KHNYN: variants seen among roughly 807,000 people sequenced by gnomAD.
The protein encoded by KHNYN is protein KHNYN.
A neutral mutation model predicts 62.7 loss-of-function variants in KHNYN; 42 were observed. That is an observed-to-expected ratio of 0.67 (90% CI 0.52 to 0.87). The LOEUF is 0.87. Ranked by LOEUF, KHNYN falls within the 40% of genes least tolerant of loss-of-function variation. The pLI is 0.00. For synonymous variants in KHNYN, 347 were observed against 345.6 expected (o/e 1.00, Z -0.04); for missense variants, 829 against 874.1 (o/e 0.95, Z 0.65).
upstream of KHNYN, chr14:24,429,914 G>A (rs2043072382): frequency 9.9e-7 from 1 of 1,008,204 alleles, no homozygotes; most frequent in Non-Finnish European, 1.2e-6. Context: ...GGGAGGAGCT[G>A]GGCTGACTCC....
At chr14:24,425,878 C>G (rs990472870), upstream of KHNYN, among the ~76,000 whole-genome samples, 1 of 152,214 alleles carries the variant, frequency 6.6e-6, no homozygotes, top group African/African-American at 2.4e-5. Context: ...CCACCAGTAT[C>G]TTTCATTCTT....
upstream of KHNYN, chr14:24,429,304 G>A (rs1374585091): frequency 4.4e-6 from 3 of 686,278 alleles, no homozygotes; most frequent in Non-Finnish European, 7.9e-6. Context: ...AAGGAGGGAT[G>A]AAGCCGCCTG....
upstream of KHNYN, chr14:24,429,833 G>A (rs972032811): frequency 2.6e-5 from 28 of 1,065,448 alleles, no homozygotes; most frequent in African/African-American, 4.3e-4. Context: ...GAGCCGCCGA[G>A]GGGACTAGGC....
upstream of KHNYN, chr14:24,428,929 C>T (rs57646536): frequency 9.4e-3 from 14,598 of 1,558,952 alleles, 1,170 homozygotes; most frequent in African/African-American, 0.17. Context: ...GGCACTCCCC[C>T]TCCAGCAGGA....
At chr14:24,429,201 T>C (rs1209042148), upstream of KHNYN, 4 of 807,566 alleles carry the variant, frequency 5.0e-6, no homozygotes, top group Non-Finnish European at 7.8e-6. Context: ...GTGTCCCAGC[T>C]CTGTCCTGCC....
At chr14:24,430,342 A>G in intron 1 of KHNYN, 1 of 765,202 alleles carries the variant, frequency 1.3e-6, no homozygotes, top group Non-Finnish European at 1.6e-6. Context: ...GGGCCCCCAG[A>G]GGACAGCCTA....
At chr14:24,425,990 A>T (rs2043016520), upstream of KHNYN, among the ~76,000 whole-genome samples, 1 of 152,234 alleles carries the variant, frequency 6.6e-6, no homozygotes, top group South Asian at 2.1e-4. Context: ...CAAATAGACA[A>T]AATGCCTACT....
upstream of KHNYN, chr14:24,429,213 C>A: frequency 1.4e-6 from 1 of 729,152 alleles, no homozygotes. Context: ...TGTCCTGCCT[C>A]CCACTCTTAC....
At position 24,441,638 on chromosome 14, in the gene KHNYN, G is replaced by A. The variant is rs1403991261; in HGVS notation, c.*4353G>A. ...GAGGTCTGAGTTACCCCGTTCCCCT[G>A]GCGAATATAAGGGGCTGGTGATTTG... is the stretch of plus-strand genomic sequence containing the variant. On this transcript the variant is annotated 3_prime_UTR_variant, in exon 8 of 8. Coordinates refer to ENST00000553935, the MANE Select transcript of KHNYN (RefSeq NM_015299.3). 6.5e-7 allele frequency: 1 copy of A among 1,542,996 alleles called. No individual in the cohort carries two copies. The highest frequency in any genetic ancestry group is 8.8e-7 in the Non-Finnish European group (1 of 1,142,424).
At chr14:24,425,171 G>A (rs10130033), upstream of KHNYN, among the ~76,000 whole-genome samples, 788 of 152,218 alleles carry the variant, frequency 5.2e-3, 8 homozygotes, top group African/African-American at 0.018. Context: ...ACTGCACTCC[G>A]GCCTGGTCGA....
upstream of KHNYN, chr14:24,429,212 TC>T: frequency 1.3e-6 from 1 of 744,690 alleles, no homozygotes; most frequent in Non-Finnish European, 2.2e-6. Flanking sequence ...CTGTCCTGCC[TC>T]CCACTCTTAC....
In KHNYN at chr14:24,431,541, G is replaced by A; in HGVS notation, c.280G>A (p.Gly94Arg). 6.2e-7 allele frequency: 1 copy of A among 1,611,360 alleles called. No individual in the cohort carries two copies. The highest frequency in any genetic ancestry group is 2.2e-5 in the East Asian group (1 of 44,788). Residue 94 changes from glycine (G) to arginine (R), a missense_variant, in exon 3 of 8, where the codon GGA becomes AGA. Coordinates refer to ENST00000553935, the MANE Select transcript of KHNYN (RefSeq NM_015299.3). Reference protein sequence around the residue: ...YPPKLHCIFLGAQGFFLDCLA... With the variant: ...YPPKLHCIFLRAQGFFLDCLA... Reference sequence around the variant, plus strand: ...GCCCAAACTGCACTGCATCTTTCTGGGAGCCCAGGGCTTCTTCCTTGACTG... The same window carrying A: ...GCCCAAACTGCACTGCATCTTTCTGAGAGCCCAGGGCTTCTTCCTTGACTG...
chr14:24,429,137 C>T (rs889687447), upstream of KHNYN: 8 of 1,405,786 alleles, frequency 5.7e-6, no homozygotes, highest in South Asian at 7.3e-5. Context: ...TTCTCACCGC[C>T]GGCACCCTGA....
chr14:24,423,248 T>C, the KHNYN span, among the ~76,000 whole-genome samples: 1 of 152,322 alleles, frequency 6.6e-6, no homozygotes, highest in Middle Eastern at 3.4e-3. Context: ...TAACTATACC[T>C]ATATCTACAA....
upstream of KHNYN, chr14:24,427,281 A>G (rs1594748305): frequency 6.0e-6 from 1 of 167,092 alleles, no homozygotes; most frequent in African/African-American, 2.4e-5. The surrounding 1 kb of genome is among the most constrained non-coding windows in gnomAD (Gnocchi z 4.4). Flanking sequence ...TGAGCCTCCC[A>G]CCCTAGCCCA....
At chr14:24,424,014 G>A in the KHNYN span, among the ~76,000 whole-genome samples, 22 of 152,136 alleles carry the variant, frequency 1.4e-4, no homozygotes, top group African/African-American at 2.7e-4. Context: ...TGATTTAAAC[G>A]TTGATTAAAA....
At chr14:24,428,844 G>T (rs376939942), upstream of KHNYN, 1 of 1,612,234 alleles carries the variant, frequency 6.2e-7, no homozygotes, top group Non-Finnish European at 8.5e-7. Flanking sequence ...AATGCCACTC[G>T]CCCAGGGGGT....
At chr14:24,428,093 G>C, upstream of KHNYN, 3 of 1,377,618 alleles carry the variant, frequency 2.2e-6, no homozygotes, top group Non-Finnish European at 3.0e-6. Context: ...GGGCTCTCCC[G>C]GGAGGGCTGA....
Position 24,441,238 on chromosome 14 carries a change from A to G in KHNYN, c.*3953A>G, listed in dbSNP as rs998420614. ...CTCTCTGACTTGATGCAAGTTACTT[A>G]ACCTCTCTGTATAGAATTTTCACAT... On this transcript the variant is annotated 3_prime_UTR_variant, in exon 8 of 8. Transcript: ENST00000553935. 2 of 484,106 alleles carry G rather than the reference A, an allele frequency of 4.1e-6. No individual in the cohort carries two copies. The highest frequency in any genetic ancestry group is 7.5e-6 in the Non-Finnish European group (2 of 267,394). 30.0% of individuals were successfully genotyped at this position (484,106 alleles called of 1,614,324 possible).
Sources: gnomAD v4.1 joint callset for allele counts (sites outside exome capture counted in the v4.1 genomes callset) on GRCh38, gnomAD v4.1.1 for gene constraint, Gnocchi (gnomAD v3.1) non-coding constraint, MANE v1.5 for transcripts, NCBI Gene and HGNC (gene_info 2026-07-23, HGNC 2026-07-21) for gene names.